ADGRD1: variants seen among roughly 807,000 people sequenced by gnomAD.
ADGRD1 encodes the protein G-protein coupled receptor 133.
ADGRD1 carries 77 observed loss-of-function variants against 113.4 expected under a neutral mutation model. The ratio of observed to expected loss-of-function variants is 0.68; its 90% CI spans 0.57 to 0.82. The LOEUF is 0.82. ADGRD1 is among the 40% of genes least tolerant of loss of function. The pLI, the probability that ADGRD1 is intolerant of heterozygous loss-of-function variation, is 0.00. For missense variants in ADGRD1, 1,036 were observed against 1,139.1 expected (o/e 0.91, Z 1.30); for synonymous variants, 474 against 475.0 (o/e 1.00, Z 0.03).
intron 13 of ADGRD1, among the ~76,000 whole-genome samples, chr12:131,037,216 C>G (rs768781409): frequency 3.4e-4 from 35 of 103,038 alleles, no homozygotes; most frequent in Non-Finnish European, 5.5e-4. Flanking sequence ...CCAGGTCTCA[C>G]TCACTGCACT....
At chr12:130,992,482 A>T (rs1475383086) in intron 8 of ADGRD1, 90 bp downstream of exon 8, 4 of 1,180,396 alleles carry the variant, frequency 3.4e-6, no homozygotes, top group African/African-American at 3.1e-5. Context: ...GATCGAGTTT[A>T]AAAAAAGCAG....
chr12:131,000,616 C>T (rs1235088317), intron 9 of ADGRD1, among the ~76,000 whole-genome samples, 174 bp downstream of exon 9: 1 of 152,034 alleles, frequency 6.6e-6, no homozygotes, highest in East Asian at 1.9e-4. Context: ...TGGCGGGCAC[C>T]TGTAGTCCCA....
chr12:131,083,783 T>C (rs1214538699), intron 14 of ADGRD1, among the ~76,000 whole-genome samples: 2 of 152,252 alleles, frequency 1.3e-5, no homozygotes, highest in Non-Finnish European at 2.9e-5. Flanking sequence ...CCACACGTTA[T>C]TCACGTAAAA....
intron 6 of ADGRD1, 69 bp from the exon 7 acceptor site, chr12:130,990,945 G>A: frequency 1.6e-6 from 2 of 1,215,378 alleles, no homozygotes; most frequent in Non-Finnish European, 2.4e-6. Flanking sequence ...TTTTTAACAA[G>A]GACAGGTCTT....
intron 13 of ADGRD1, chr12:131,069,372 C>T (rs2137124976): frequency 1.3e-5 from 2 of 152,336 alleles, no homozygotes; most frequent in East Asian, 3.9e-4. Context: ...TGGCCCCTTC[C>T]CAGCTCCGTC....
intron 13 of ADGRD1, among the ~76,000 whole-genome samples, chr12:131,032,665 C>T (rs1880907798): frequency 6.6e-6 from 1 of 152,074 alleles, no homozygotes; most frequent in South Asian, 2.1e-4. Context: ...AGAGAAATCA[C>T]CACCCCGTCA....
chr12:130,985,998 G>A (rs939707374), intron 5 of ADGRD1, among the ~76,000 whole-genome samples: 5 of 146,628 alleles, frequency 3.4e-5, no homozygotes, highest in Admixed American at 2.1e-4. Context: ...TCTCTGGGCT[G>A]TTTATTCTGT....
chr12:131,045,849 C>T (rs1439998854), intron 13 of ADGRD1, among the ~76,000 whole-genome samples: 5 of 152,086 alleles, frequency 3.3e-5, no homozygotes, highest in African/African-American at 1.2e-4. Context: ...GGTGATAGCG[C>T]CCGTCCTGGT....
chr12:130,999,991 G>A (rs566543676), intron 8 of ADGRD1, among the ~76,000 whole-genome samples: 6 of 152,242 alleles, frequency 3.9e-5, no homozygotes, highest in Non-Finnish European at 7.4e-5. Flanking sequence ...GTGCTTCCAC[G>A]TCAGTTTGGT....
At chr12:130,974,278 T>C (rs1440182480) in intron 4 of ADGRD1, among the ~76,000 whole-genome samples, 1 of 152,212 alleles carries the variant, frequency 6.6e-6, no homozygotes, top group East Asian at 1.9e-4. Flanking sequence ...AGAGGAGGCC[T>C]TCTCAGGGGG....
intron 4 of ADGRD1, among the ~76,000 whole-genome samples, chr12:130,973,845 T>G (rs1374351165): frequency 6.6e-6 from 1 of 152,094 alleles, no homozygotes; most frequent in African/African-American, 2.4e-5. Flanking sequence ...CCCAGTGTTT[T>G]GGGAGGCAGA....
chr12:131,107,014 A>G (rs77268615), intron 17 of ADGRD1, among the ~76,000 whole-genome samples: 3,100 of 152,308 alleles, frequency 0.02, 102 homozygotes, highest in African/African-American at 0.07. Context: ...ACTGGGGAGC[A>G]AGGTCCCACT....
At chr12:130,993,206 T>C (rs974760360) in intron 8 of ADGRD1, among the ~76,000 whole-genome samples, 5 of 152,032 alleles carry the variant, frequency 3.3e-5, no homozygotes, top group African/African-American at 7.2e-5. Context: ...GCTGGGTACG[T>C]GGTGAGCACT....
intron 4 of ADGRD1, chr12:130,981,212 A>G (rs1407327105): frequency 6.6e-6 from 1 of 152,202 alleles, no homozygotes; most frequent in East Asian, 1.9e-4. Context: ...AATTTCTTCA[A>G]AAAGTGGAAG....
chr12:130,955,370 CG>C (rs1869432954), intron 2 of ADGRD1, among the ~76,000 whole-genome samples: 1 of 151,986 alleles, frequency 6.6e-6, no homozygotes, highest in Non-Finnish European at 1.5e-5. Context: ...CTGGAGCAGC[CG>C]ATGAGTGGGA....
chr12:131,044,408 C>T (rs1182729139), intron 13 of ADGRD1, among the ~76,000 whole-genome samples: 1 of 152,304 alleles, frequency 6.6e-6, no homozygotes, highest in East Asian at 1.9e-4. Flanking sequence ...ACAGGAGAGG[C>T]AGAAGCACAG....
chr12:131,123,297 G>C (rs1950651013), intron 20 of ADGRD1, among the ~76,000 whole-genome samples: 1 of 151,050 alleles, frequency 6.6e-6, no homozygotes, highest in Non-Finnish European at 1.5e-5. Flanking sequence ...CACCCGCCTC[G>C]GCCTCCCAAA....
intron 20 of ADGRD1, among the ~76,000 whole-genome samples, chr12:131,129,723 G>A (rs143369757): frequency 1.3e-5 from 2 of 152,314 alleles, no homozygotes; most frequent in Non-Finnish European, 2.9e-5. Context: ...AAAAATAGTC[G>A]GAATTCTAGA....
intron 2 of ADGRD1, among the ~76,000 whole-genome samples, chr12:130,964,614 G>A (rs1870800668): frequency 6.6e-6 from 1 of 152,206 alleles, no homozygotes; most frequent in African/African-American, 2.4e-5. Flanking sequence ...GAACCCAGGA[G>A]GCGGAGGTTG....
Sources: allele counts gnomAD v4.1 joint callset (sites outside exome capture counted in the v4.1 genomes callset), GRCh38; gene constraint gnomAD v4.1.1; transcripts MANE v1.5; gene names NCBI Gene and HGNC (gene_info 2026-07-23, HGNC 2026-07-21).